TTN: variants seen among roughly 807,000 people sequenced by gnomAD.
TTN encodes the protein connectin.
Under a neutral mutation model 3,223.0 loss-of-function variants are expected in TTN, and 1,525 were observed. That is an observed-to-expected ratio of 0.47 (90% CI 0.45 to 0.49). The LOEUF is 0.49. Among genes scored for constraint, TTN ranks in the 20% least tolerant of loss-of-function variants. The pLI is 0.00. For synonymous variants in TTN, 14,094 were observed against 15,161.0 expected (o/e 0.93, Z 5.17); for missense variants, 40,786 against 43,424.0 (o/e 0.94, Z 5.40).
In TTN at chr2:178,790,733, T is replaced by A. The variant is rs780294635; in HGVS notation, c.1775A>T (p.Asp592Val). ...CTTTTCATAACTTAGGTGCATTTGATCTTGTTGTGTGGTAGTTTCTTCTTG... is the reference window on the plus strand; with the variant it reads ...CTTTTCATAACTTAGGTGCATTTGAACTTGTTGTGTGGTAGTTTCTTCTTG... Reference protein sequence around the residue: ...GAQEETTTQQDQMHLSYEKIM... With the variant: ...GAQEETTTQQVQMHLSYEKIM... Residue 592 changes from aspartate (D) to valine (V), a missense_variant, in exon 11 of 363, where the codon GAT becomes GTT. Physicochemically the swap from Asp to Val is radical, Grantham distance 152. Coordinates refer to ENST00000589042, the MANE Select transcript of TTN (RefSeq NM_001267550.2). The A allele has an allele frequency of 1.9e-6, 3 of 1,614,158 alleles. No homozygotes were observed. Among genetic ancestry groups the A allele is most frequent in the Non-Finnish European group, 2.5e-6 (3 of 1,180,002 alleles).
intron 282 of TTN, among the ~76,000 whole-genome samples, chr2:178,603,557 T>C (rs1379264157): frequency 6.6e-6 from 1 of 151,970 alleles, no homozygotes; most frequent in African/African-American, 2.4e-5. Flanking sequence ...TCTAATGAGA[T>C]AGAAATTTAT....
Position 178,549,578 on chromosome 2 carries a change from A to G in TTN, c.92144T>C (p.Ile30715Thr). ...PLDSDPVVAQ[I>T]QYTVPDAPGI... is the part of the protein sequence containing the mutation. ...TAAAAACGCAAACTTACTATATTGT[A>G]TTTGAGCAACCACTGGATCAGAATC... Residue 30715 changes from isoleucine to threonine, a missense_variant, in exon 338 of 363, where the codon ATA (isoleucine) becomes ACA (threonine). Ile to Thr is a moderately conservative substitution (Grantham distance 89). Transcript: ENST00000589042. 1 of 1,612,390 alleles carries G rather than the reference A, an allele frequency of 6.2e-7. No individual in the cohort carries two copies. The highest frequency in any genetic ancestry group is 2.2e-5 in the East Asian group (1 of 44,850).
rs1286288159 is a variant in TTN at position 178,735,895 on chromosome 2, T to C, written c.14551A>G (p.Ile4851Val). ...WRISDAENKHILELSNLTIQD... is the reference protein window; with the variant it reads ...WRISDAENKHVLELSNLTIQD... ...ATGGTAAGGTTTGAGAGTTCTAAAA[T>C]GTGTTTGTTTTCTGCGTCGGAAATC... Residue 4851 changes from isoleucine (I) to valine (V), a missense_variant, in exon 50 of 363, where the codon ATT (isoleucine) becomes GTT (valine). By Grantham distance (29) the Ile-to-Val change is conservative. Transcript: ENST00000589042. 2.5e-6 allele frequency: 4 copies of C among 1,613,738 alleles called. No homozygotes were observed. The highest frequency in any genetic ancestry group is 1.1e-5 in the South Asian group (1 of 91,086).
intron 223 of TTN, among the ~76,000 whole-genome samples, chr2:178,639,236 C>T (rs1186515270): frequency 6.6e-6 from 1 of 151,762 alleles, no homozygotes; most frequent in Non-Finnish European, 1.5e-5. Context: ...GCATGAAATA[C>T]ATTCACAATA....
In TTN at chr2:178,721,927, T is replaced by C. The variant is rs2078428721; in HGVS notation, c.22736A>G (p.Lys7579Arg). ...TPHLRILKVG[K>R]GDSGQYTCQA... ...GCAAGTATATTGACCAGAGTCTCCTTTGCCTACTTTAAGAATTCTCAAATG... is the reference window on the plus strand; with the variant it reads ...GCAAGTATATTGACCAGAGTCTCCTCTGCCTACTTTAAGAATTCTCAAATG... Residue 7579 changes from lysine (K) to arginine (R), a missense_variant, in exon 78 of 363, where the codon AAA becomes AGA. By Grantham distance (26) the Lys-to-Arg change is conservative. Transcript: ENST00000589042. 1 of 1,613,600 alleles carries C rather than the reference T, an allele frequency of 6.2e-7. No homozygotes were observed. Among genetic ancestry groups the C allele is most frequent in the Non-Finnish European group, 8.5e-7 (1 of 1,179,620 alleles).
Position 178,535,093 on chromosome 2 carries a change from G to T in TTN, c.101522C>A (p.Ser33841Ter). 6.2e-7 allele frequency: 1 copy of T among 1,613,794 alleles called. No homozygotes were observed. The highest frequency in any genetic ancestry group is 8.5e-7 in the Non-Finnish European group (1 of 1,179,844). Residue 33841 changes from serine to a stop codon, truncating the protein, a stop_gained, in exon 358 of 363, where the codon TCA becomes TAA. Coordinates refer to ENST00000589042, the MANE Select transcript of TTN (RefSeq NM_001267550.2). LOFTEE classifies it high-confidence loss of function. The stretch of plus-strand genomic sequence containing the variant: ...AAATTTGGCCATGTATGTCTTCTTT[G>T]AGGATGTTTCAACACAACGATGGAC... ...GIVHRCVETS[S>*]KKTYMAKFVK... is the part of the protein sequence containing the mutation.
At chr2:178,642,198 TATACTTAACGCTGACAG>T (rs754834284) in intron 219 of TTN, 22 bp downstream of exon 219, 3 of 1,484,506 alleles carry the variant, frequency 2.0e-6, no homozygotes, top group Non-Finnish European at 1.8e-6. Context: ...ATTTTTAAAA[TATACTTAACGCTGACAG>T]AATGGTTGAA....
chr2:178,666,883 T>A lies in TTN; in HGVS notation c.35816A>T (p.Glu11939Val). The change falls in exon 163 of 363, where the codon GAA becomes GTA. Residue 11939 changes from glutamate (E) to valine (V), a missense_variant. Coordinates refer to ENST00000589042, the MANE Select transcript of TTN (RefSeq NM_001267550.2). ...AGGAGTTTCTCCCTCTGGAATGACT[T>A]CCTTGAAGACTTCAAACTCTTTAAA... Reference protein sequence around the residue: ...PPTEEFEVFKEVIPEGETPIV... With the variant: ...PPTEEFEVFKVVIPEGETPIV... The A allele has an allele frequency of 6.4e-7, 1 of 1,565,620 alleles. No individual in the cohort carries two copies.
rs765704380 is a variant in TTN at position 178,597,611 on chromosome 2, A to G, written c.57471T>C (p.His19157=). 6.8e-6 allele frequency: 11 copies of G among 1,613,074 alleles called. No individual in the cohort carries two copies. The highest frequency in any genetic ancestry group is 9.3e-6 in the Non-Finnish European group (11 of 1,179,522). The change falls in exon 294 of 363, where the codon CAT becomes CAC. Residue 19157 remains histidine, a synonymous_variant. Transcript: ENST00000589042. The part of the protein sequence containing the change: ...SMVIKNCQRS[H]QGVYSLLAKN... ...TGGCAAGAAGAGAATAGACGCCTTG[A>G]TGGCTCCTCTGGCAGTTCTTGATGA...
chr2:178,584,881 T>C lies in TTN; in HGVS notation c.64760A>G (p.Asp21587Gly). 6.2e-7 allele frequency: 1 copy of C among 1,613,298 alleles called. No homozygotes were observed. The highest frequency in any genetic ancestry group is 8.5e-7 in the Non-Finnish European group (1 of 1,179,550). The change falls in exon 310 of 363, where the codon GAC becomes GGC. Residue 21587 changes from aspartate (D) to glycine (G), a missense_variant. By Grantham distance (94) the Asp-to-Gly change is moderately conservative (BLOSUM62 -1). Coordinates refer to ENST00000589042, the MANE Select transcript of TTN (RefSeq NM_001267550.2). ...ATAATTGGTGATGTTACTGCCTCCG[T>C]CCTCCAGAGGGATGTGCCATGACAG... is the stretch of plus-strand genomic sequence containing the variant. The part of the protein sequence containing the change: ...CSLSWHIPLE[D>G]GGSNITNYIV...
Position 178,557,693 on chromosome 2 carries a change from T to C in TTN, c.87661A>G (p.Ser29221Gly). 6.2e-7 allele frequency: 1 copy of C among 1,614,002 alleles called. No homozygotes were observed. Among genetic ancestry groups the C allele is most frequent in the Non-Finnish European group, 8.5e-7 (1 of 1,179,860 alleles). ...RIKAENRFGISDHIDSACVTV... is the reference protein window; with the variant it reads ...RIKAENRFGIGDHIDSACVTV... ...ACACAAGCTGAATCTATATGATCAC[T>C]GATGCCAAAGCGGTTTTCTGCCTTG... Residue 29221 changes from serine to glycine, a missense_variant, in exon 328 of 363, where the codon AGT (serine) becomes GGT (glycine). Coordinates refer to ENST00000589042, the MANE Select transcript of TTN (RefSeq NM_001267550.2).
chr2:178,617,093 C>T (rs968513469), intron 255 of TTN, 27 bp downstream of exon 255: 12 of 1,610,056 alleles, frequency 7.5e-6, no homozygotes, highest in Non-Finnish European at 8.5e-6. Flanking sequence ...TGCTATTCCC[C>T]GATCTAAAAA....
At chr2:178,594,867 G>C (rs1325430176) in intron 295 of TTN, among the ~76,000 whole-genome samples, 1 of 151,988 alleles carries the variant, frequency 6.6e-6, no homozygotes, top group Admixed American at 6.6e-5. Flanking sequence ...GGTTTGTTGA[G>C]GCAAAATAAT....
At chr2:178,785,825 A>G (rs369012261) in intron 14 of TTN, 23 bp downstream of exon 14, 199 of 1,614,056 alleles carry the variant, frequency 1.2e-4, no homozygotes, top group Non-Finnish European at 1.6e-4. Flanking sequence ...AACAAGGTGA[A>G]AAATCAGCAG....
intron 149 of TTN, 64 bp downstream of exon 149, chr2:178,675,607 G>A: frequency 1.6e-6 from 2 of 1,221,184 alleles, no homozygotes; most frequent in Non-Finnish European, 2.1e-6. Flanking sequence ...TGAGTGTCCT[G>A]TGTGGATAGA....
chr2:178,746,356 A>T (rs780843636), intron 47 of TTN: 1 of 1,612,316 alleles, frequency 6.2e-7, no homozygotes, highest in Non-Finnish European at 8.5e-7. Context: ...ATGGAAGAAC[A>T]TCTAGACTCA....
rs794729234 is a variant in TTN at position 178,630,798 on chromosome 2, C to A, written c.44154+6G>T. The A allele has an allele frequency of 3.1e-6, 5 of 1,609,804 alleles. No homozygotes were observed. The highest frequency in any genetic ancestry group is 4.2e-6 in the Non-Finnish European group (5 of 1,178,082). ...TAGGTGTTGACAAGTTCAGAAATAG[C>A]CTTACAGGTGTTTGGAGTAGGGCCT... On this transcript the variant is annotated splice_donor_region_variant and intron_variant, in intron 238 of 362. Coordinates refer to ENST00000589042, the MANE Select transcript of TTN (RefSeq NM_001267550.2).
chr2:178,591,547 A>G (rs778691051), intron 303 of TTN, 43 bp from the exon 304 acceptor site: 4 of 1,587,922 alleles, frequency 2.5e-6, no homozygotes, highest in Non-Finnish European at 3.4e-6. Context: ...ATTTTCACCT[A>G]TATGAATAAT....
rs772131691 is a variant in TTN at position 178,777,885 on chromosome 2, G to GGACATCCGTGCAGGA, written c.4284_4298dup (p.Ala1435_Pro1439dup). On this transcript the variant is annotated inframe_insertion, in exon 25 of 363. Coordinates refer to ENST00000589042, the MANE Select transcript of TTN (RefSeq NM_001267550.2). Reference sequence around the variant, plus strand: ...TACGTCCAGGGGACATTCTTGCAGGGGACATCCGTGCAGGAGACATCCTTG... The same window carrying GGACATCCGTGCAGGA: ...TACGTCCAGGGGACATTCTTGCAGGGGACATCCGTGCAGGAGACATCCGTGCAGGAGACATCCTTG... The GGACATCCGTGCAGGA allele has an allele frequency of 8.7e-6, 14 of 1,613,796 alleles. No individual in the cohort carries two copies. The highest frequency in any genetic ancestry group is 6.7e-5 in the Admixed American group (4 of 59,962).
Sources: allele counts gnomAD v4.1 joint callset (sites outside exome capture counted in the v4.1 genomes callset), GRCh38; gene constraint gnomAD v4.1.1; transcripts MANE v1.5; gene names NCBI Gene and HGNC (gene_info 2026-07-23, HGNC 2026-07-21).